Variants in DIS3L2 observed in about 807,000 individuals in gnomAD.
DIS3L2 encodes the protein DIS3-like exonuclease 2.
Under a neutral mutation model 97.5 loss-of-function variants are expected in DIS3L2, and 34 were observed. The observed-to-expected ratio is 0.35, with a 90% confidence interval of 0.27 to 0.46. The LOEUF (loss-of-function observed/expected upper bound fraction) is 0.46. Ranked by LOEUF, DIS3L2 falls within the 20% of genes least tolerant of loss-of-function variation. The pLI is 1.00. For missense variants in DIS3L2, 1,038 were observed against 1,146.0 expected (o/e 0.91, Z 1.36); for synonymous variants, 435 against 445.2 (o/e 0.98, Z 0.29).
chr2:232,037,377 G>A lies in DIS3L2; in HGVS notation c.366+7297G>A, dbSNP rs1221000489. ...TACTTAAGCCTCCGTAATGGCAGAC[G>A]CCCCTCCCCACCAAGCTCAAGTGTC... On this transcript the variant is annotated intron_variant, in intron 5 of 20. Coordinates refer to ENST00000325385, the MANE Select transcript of DIS3L2 (RefSeq NM_152383.5). The surrounding 1 kb of genome is among the most constrained non-coding windows in gnomAD (Gnocchi z 4.6). 1.3e-5 allele frequency among the ~76,000 whole-genome samples: 2 copies of A among 152,096 alleles called. No individual in the cohort carries two copies. Among genetic ancestry groups the A allele is most frequent in the East Asian group, 1.9e-4 (1 of 5,190 alleles).
chr2:231,973,754 G>A (rs949063562), intron 1 of DIS3L2, among the ~76,000 whole-genome samples: 3 of 152,126 alleles, frequency 2.0e-5, no homozygotes, highest in African/African-American at 7.2e-5. Context: ...GTTACTGGGA[G>A]CTGATTACTC....
At chr2:232,224,850 A>G (rs1692600714) in intron 10 of DIS3L2, among the ~76,000 whole-genome samples, 1 of 151,904 alleles carries the variant, frequency 6.6e-6, no homozygotes, top group Non-Finnish European at 1.5e-5. Context: ...AAAAAAAAAA[A>G]AAAAGAAAAA....
chr2:232,203,634 A>G (rs539217582), intron 9 of DIS3L2, among the ~76,000 whole-genome samples: 15 of 152,342 alleles, frequency 9.8e-5, no homozygotes, highest in Non-Finnish European at 1.8e-4. Context: ...TCTCATTACC[A>G]GACCTGATAC....
At chr2:232,314,902 C>T (rs1695228323) in intron 14 of DIS3L2, among the ~76,000 whole-genome samples, 1 of 152,126 alleles carries the variant, frequency 6.6e-6, no homozygotes, top group Non-Finnish European at 1.5e-5. Flanking sequence ...TTTTTGTTTT[C>T]CGTATATCTG....
chr2:232,070,342 TTTTGTTTG>T (rs146760968), intron 5 of DIS3L2, among the ~76,000 whole-genome samples: 1 of 151,394 alleles, frequency 6.6e-6, no homozygotes, highest in Non-Finnish European at 1.5e-5. Context: ...CTTCCTGCCT[TTTTGTTTG>T]TTTGTTTTTT....
rs760490430 is a variant in DIS3L2 at position 232,130,676 on chromosome 2, A to G, written c.659A>G (p.Asp220Gly). ...GATGAGACCACCTGCATTTCACAAG[A>G]CACAAGAGCTTTATCGGAGAAATCC... Reference protein sequence around the residue: ...TKDETTCISQDTRALSEKSLQ... With the variant: ...TKDETTCISQGTRALSEKSLQ... The change falls in exon 7 of 21, where the codon GAC becomes GGC. Residue 220 changes from aspartate to glycine, a missense_variant. Physicochemically the swap from Asp to Gly is moderately conservative, Grantham distance 94. Around this residue, in one of 3 missense-constraint regions of DIS3L2, gnomAD observed 813 missense variants for 880.1 expected, o/e 0.92. Transcript: ENST00000325385. 2 of 1,614,002 alleles carry G rather than the reference A, an allele frequency of 1.2e-6. No homozygotes were observed. The highest frequency in any genetic ancestry group is 2.2e-5 in the East Asian group (1 of 44,868).
chr2:232,238,714 GCT>G, intron 11 of DIS3L2, 69 bp downstream of exon 11: 2 of 1,353,832 alleles, frequency 1.5e-6, no homozygotes, highest in Admixed American at 2.1e-5. Flanking sequence ...AAGAGTGTGT[GCT>G]CTCTGTTATT....
intron 1 of DIS3L2, among the ~76,000 whole-genome samples, chr2:231,981,511 G>A (rs952021717): frequency 2.7e-5 from 4 of 147,864 alleles, no homozygotes; most frequent in Non-Finnish European, 6.0e-5. Context: ...ATGTTGGCTA[G>A]GGCTGCTCCA....
intron 1 of DIS3L2, among the ~76,000 whole-genome samples, chr2:231,988,618 C>T (rs1239272591): frequency 6.6e-6 from 1 of 152,092 alleles, no homozygotes; most frequent in Non-Finnish European, 1.5e-5. Flanking sequence ...GAGTGTTCTC[C>T]AAGACATGAC....
chr2:232,263,384 A>G lies in DIS3L2; in HGVS notation c.1603A>G (p.Ile535Val). 1 of 1,614,164 alleles carries G rather than the reference A, an allele frequency of 6.2e-7. No individual in the cohort carries two copies. The highest frequency in any genetic ancestry group is 8.5e-7 in the Non-Finnish European group (1 of 1,180,032). ...CCAGGCCGTCTTGAATCTCCACGGA[A>G]TTGCCAAGCAGTTACGCCAGCAGCG... Reference protein sequence around the residue: ...VHQAVLNLHGIAKQLRQQRFV... With the variant: ...VHQAVLNLHGVAKQLRQQRFV... The change falls in exon 13 of 21, where the codon ATT (isoleucine) becomes GTT (valine). Residue 535 changes from isoleucine to valine, a missense_variant. Physicochemically the swap from Ile to Val is conservative, Grantham distance 29 (BLOSUM62 3). Transcript: ENST00000325385.
At chr2:232,343,252 C>G (rs936490358) in intron 13 of DIS3L2, 42 of 1,065,610 alleles carry the variant, frequency 3.9e-5, no homozygotes, top group Non-Finnish European at 5.6e-5. Context: ...GGAGCTGACG[C>G]AGGCTGAGTA....
At chr2:232,160,863 G>A (rs1034186440) in intron 8 of DIS3L2, among the ~76,000 whole-genome samples, 2 of 152,184 alleles carry the variant, frequency 1.3e-5, no homozygotes, top group South Asian at 2.1e-4. Flanking sequence ...CTAAAAAATA[G>A]AATTAGTTTT....
rs1194154813 is a variant in DIS3L2, at chr2:232,024,468, T to G, written c.264+138T>G. On this transcript the variant is annotated intron_variant, in intron 4 of 20. Transcript: ENST00000325385. The stretch of plus-strand genomic sequence containing the variant: ...CGATGGGCAAAGATTTGTTTCAAAT[T>G]TAAATAAACTAAATTTTCTTTTGGT... 7.1e-6 allele frequency: 5 copies of G among 705,840 alleles called. No homozygotes were observed. In the Admixed American group the frequency reaches 9.4e-5, roughly 13 times the overall value. The allele number at this position is 705,840 out of a possible 1,614,324, so 43.7% of individuals were successfully genotyped here.
At chr2:232,343,541 G>T in exon 14 of DIS3L2, 1 of 1,565,548 alleles carries the variant, frequency 6.4e-7, no homozygotes. Context: ...AACACGATAA[G>T]AGTAGAGGAG....
At chr2:232,067,941 T>C (rs1695897245) in intron 5 of DIS3L2, among the ~76,000 whole-genome samples, 1 of 152,056 alleles carries the variant, frequency 6.6e-6, no homozygotes, top group Non-Finnish European at 1.5e-5. Flanking sequence ...TGGGAGGTAA[T>C]AGAGAACATT....
At chr2:232,070,418 CTG>C (rs1209479304) in intron 5 of DIS3L2, among the ~76,000 whole-genome samples, 2 of 152,106 alleles carry the variant, frequency 1.3e-5, no homozygotes, top group African/African-American at 4.8e-5. Context: ...CTAATGCTCT[CTG>C]TTTATTTCTG....
intron 16 of DIS3L2, 82 bp from the exon 17 acceptor site, chr2:232,333,758 T>TTATG: frequency 9.3e-6 from 13 of 1,401,612 alleles, no homozygotes; most frequent in South Asian, 5.3e-5. Context: ...CTGCCGACGG[T>TTATG]GAGGCTGTGG....
chr2:232,136,071 A>G (rs1266056877), intron 7 of DIS3L2, among the ~76,000 whole-genome samples: 3 of 152,196 alleles, frequency 2.0e-5, no homozygotes, highest in Non-Finnish European at 1.5e-5. Context: ...TTTATGTCTG[A>G]TAACCCTTTT....
chr2:232,088,908 A>AC lies in DIS3L2; in HGVS notation c.601+1189dup, dbSNP rs751055334. ...TTATGTATACTATTAATGGAAACCG[A>AC]CCAACTCTGACCTGGCCAGGCTGAC... On this transcript the variant is annotated intron_variant, in intron 6 of 20. Coordinates refer to ENST00000325385, the MANE Select transcript of DIS3L2 (RefSeq NM_152383.5). Among the ~76,000 whole-genome samples the AC allele has an allele frequency of 3.3e-5, 5 of 152,340 alleles. 1 individual carries two copies. In the South Asian group the frequency reaches 1.0e-3, roughly 32 times the overall value.
Sources: allele counts gnomAD v4.1 joint callset (sites outside exome capture counted in the v4.1 genomes callset), GRCh38; gene constraint gnomAD v4.1.1; regional missense constraint gnomAD v4.1.1; non-coding constraint Gnocchi (gnomAD v3.1); transcripts MANE v1.5; gene names NCBI Gene and HGNC (gene_info 2026-07-23, HGNC 2026-07-21).